The following PCDHA6 variants were observed in gnomAD, a reference collection of about 807,000 sequenced individuals.
PCDHA6 encodes the protein protocadherin alpha 6, also known as protocadherin alpha-6.
Under a neutral mutation model 60.3 loss-of-function variants are expected in PCDHA6, and 55 were observed. The observed-to-expected ratio is 0.91, with a 90% CI of 0.73 to 1.14. PCDHA6 has a LOEUF of 1.14. PCDHA6 is among the 50% of genes most tolerant of loss of function. The probability of loss-of-function intolerance (pLI) is 0.00; values close to 1 mark genes in which losing one functional copy is unlikely to be tolerated. For missense variants in PCDHA6, 1,327 were observed against 1,256.5 expected, an observed-to-expected ratio of 1.06 and a Z score of -0.85; for synonymous variants, 652 against 557.9, an observed-to-expected ratio of 1.17 and a Z score of -2.38.
chr5:140,965,031 T>C (rs1211247687), intron 1 of PCDHA6, among the ~76,000 whole-genome samples: 3 of 152,208 alleles, frequency 2.0e-5, no homozygotes, highest in African/African-American at 7.2e-5. Flanking sequence ...CTCCTTTAAC[T>C]GTCCGCTCTA....
intron 1 of PCDHA6, chr5:140,927,062 T>C: frequency 6.2e-7 from 1 of 1,611,326 alleles, no homozygotes; most frequent in Non-Finnish European, 8.5e-7. Flanking sequence ...AACTTTCGCT[T>C]CCTTTCCAGC....
intron 3 of PCDHA6, chr5:140,988,965 TG>T (rs1227130828): frequency 6.6e-6 from 1 of 152,162 alleles, no homozygotes; most frequent in Non-Finnish European, 1.5e-5. Context: ...AGCCCCACGA[TG>T]GAGAGAAGCA....
intron 1 of PCDHA6, chr5:140,870,222 G>A: frequency 6.2e-7 from 1 of 1,614,180 alleles, no homozygotes; most frequent in African/African-American, 1.3e-5. Flanking sequence ...TGATCAGCGT[G>A]TCTGACCGTG....
At chr5:140,889,009 C>T (rs1030437186) in intron 1 of PCDHA6, among the ~76,000 whole-genome samples, 7 of 152,128 alleles carry the variant, frequency 4.6e-5, no homozygotes, top group Admixed American at 1.3e-4. Flanking sequence ...GCAAACCAAC[C>T]TCTACTTCCT....
intron 1 of PCDHA6, chr5:140,928,228 C>T: frequency 6.2e-7 from 1 of 1,614,218 alleles, no homozygotes; most frequent in Non-Finnish European, 8.5e-7. Context: ...ACCAAACTTT[C>T]CTCAACCCCA....
chr5:140,852,335 T>C (rs2042302607), intron 1 of PCDHA6: 1 of 256,936 alleles, frequency 3.9e-6, no homozygotes. Context: ...TGGAGTACAG[T>C]GGCATGATCT....
Position 140,927,496 on chromosome 5 carries a change from G to C in PCDHA6, c.2395-51453G>C, listed in dbSNP as rs1206944698. On this transcript the variant is annotated intron_variant, in intron 1 of 3. Transcript: ENST00000529310. ...CGAACAGCGCGCCACCCACCTGCTG[G>C]TGCTTACAGCTCGGGACGGCGGGCT... The C allele has an allele frequency of 3.7e-6, 6 of 1,614,026 alleles. No homozygotes were observed. The highest frequency in any genetic ancestry group is 5.1e-6 in the Non-Finnish European group (6 of 1,180,054).
chr5:140,967,293 A>T, intron 1 of PCDHA6: 1 of 1,612,824 alleles, frequency 6.2e-7, no homozygotes. Flanking sequence ...CAGGACCCCG[A>T]CGTGGGCGCC....
At chr5:140,923,983 T>C (rs1180891950) in intron 1 of PCDHA6, among the ~76,000 whole-genome samples, 1 of 152,220 alleles carries the variant, frequency 6.6e-6, no homozygotes, top group African/African-American at 2.4e-5. Context: ...ACTATCCCTC[T>C]AGGTGCAGCT....
chr5:140,847,343 G>C (rs1554141738), intron 1 of PCDHA6: 1 of 149,722 alleles, frequency 6.7e-6, no homozygotes, highest in Non-Finnish European at 1.5e-5. Flanking sequence ...CACCTCTTAG[G>C]CTGTTATCAG....
chr5:140,859,830 T>C (rs1388131535), intron 1 of PCDHA6: 1 of 152,212 alleles, frequency 6.6e-6, no homozygotes, highest in Non-Finnish European at 1.5e-5. Flanking sequence ...AGAAGTGTAT[T>C]TGTTATTTTA....
At chr5:140,968,992 T>C in intron 1 of PCDHA6, 1 of 1,614,220 alleles carries the variant, frequency 6.2e-7, no homozygotes, top group Non-Finnish European at 8.5e-7. Flanking sequence ...CTGCATGCTG[T>C]GGAGGCTTCT....
intron 1 of PCDHA6, among the ~76,000 whole-genome samples, chr5:140,832,641 T>C (rs1772090459): frequency 6.6e-6 from 1 of 152,130 alleles, no homozygotes; most frequent in African/African-American, 2.4e-5. Flanking sequence ...CCTAGGAGGG[T>C]CTTTAAGAGT....
intron 1 of PCDHA6, among the ~76,000 whole-genome samples, chr5:140,916,170 G>A (rs782402888): frequency 1.5e-4 from 23 of 152,106 alleles, no homozygotes; most frequent in Non-Finnish European, 2.9e-4. Flanking sequence ...TGCCAGGCCT[G>A]GGACTCTTCA....
intron 3 of PCDHA6, 39 bp from the exon 4 acceptor site, chr5:141,009,588 G>A: frequency 6.3e-7 from 1 of 1,598,586 alleles, no homozygotes; most frequent in Non-Finnish European, 8.5e-7. Context: ...AAGAGCATGT[G>A]TTGACCCTGT....
chr5:140,887,707 C>A (rs1554183190), intron 1 of PCDHA6, among the ~76,000 whole-genome samples: 1 of 152,132 alleles, frequency 6.6e-6, no homozygotes, highest in African/African-American at 2.4e-5. Context: ...AACCATACTT[C>A]TTCTAATAGT....
At position 140,851,093 on chromosome 5, in the gene PCDHA6, T is replaced by C. The variant is rs1043292821; in HGVS notation, c.2394+20608T>C. On this transcript the variant is annotated intron_variant, in intron 1 of 3. Coordinates refer to ENST00000529310, the MANE Select transcript of PCDHA6 (RefSeq NM_018909.4). Reference sequence around the variant, plus strand: ...AATTATAAACTGTATATTAAATAGATATTTTTTGGGTGCTGAATCAATTTT... The same window carrying C: ...AATTATAAACTGTATATTAAATAGACATTTTTTGGGTGCTGAATCAATTTT... 2 of 1,294,092 alleles carry C rather than the reference T, an allele frequency of 1.5e-6. 1 individual carries two copies. The highest frequency in any genetic ancestry group is 2.0e-6 in the Non-Finnish European group (2 of 996,006). The allele number at this position is 1,294,092 out of a possible 1,614,324, so 80.2% of individuals were successfully genotyped here.
At chr5:140,984,581 C>G (rs141574202) in intron 3 of PCDHA6, among the ~76,000 whole-genome samples, 5 of 152,158 alleles carry the variant, frequency 3.3e-5, no homozygotes, top group African/African-American at 1.2e-4. Context: ...GCAACCTAAT[C>G]ATACTTTTCA....
chr5:140,897,629 T>A (rs2066228656), intron 1 of PCDHA6, among the ~76,000 whole-genome samples: 1 of 152,116 alleles, frequency 6.6e-6, no homozygotes, highest in Non-Finnish European at 1.5e-5. Context: ...TACTATTGTG[T>A]ATAGTGCCAC....
Sources: allele counts gnomAD v4.1 joint callset (sites outside exome capture counted in the v4.1 genomes callset), GRCh38; gene constraint gnomAD v4.1.1; transcripts MANE v1.5; gene names NCBI Gene and HGNC (gene_info 2026-07-23, HGNC 2026-07-21).